The following SLC35D1 variants were observed in gnomAD, a reference collection of about 807,000 sequenced individuals.
SLC35D1 encodes the protein solute carrier family 35 member D1.
SLC35D1 carries 31 observed loss-of-function variants against 46.7 expected under a neutral mutation model. The ratio of observed to expected loss-of-function variants is 0.66; its 90% CI spans 0.50 to 0.90. SLC35D1 has a LOEUF of 0.90. Ranked by LOEUF, SLC35D1 falls within the 40% of genes least tolerant of loss-of-function variation. SLC35D1 has a pLI of 0.00. For synonymous variants in SLC35D1, 195 were observed against 164.6 expected, an observed-to-expected ratio of 1.18 and a Z score of -1.41; for missense variants, 397 against 426.2, an observed-to-expected ratio of 0.93 and a Z score of 0.60.
chr1:66,998,243 C>T (rs1245724470), downstream of SLC35D1, among the ~76,000 whole-genome samples: 1 of 152,082 alleles, frequency 6.6e-6, no homozygotes, highest in African/African-American at 2.4e-5. Context: ...AATTCCAACA[C>T]TTTGGGAGTC....
chr1:67,020,524 G>A (rs1667775435), intron 9 of SLC35D1, 77 bp from the exon 10 acceptor site: 3 of 1,051,074 alleles, frequency 2.9e-6, no homozygotes, highest in Admixed American at 1.7e-5. Context: ...AATCAGTGTT[G>A]GCCAAGCCAG....
At chr1:67,008,998 T>C (rs1667507993) in intron 11 of SLC35D1, 87 bp downstream of exon 11, 5 of 663,878 alleles carry the variant, frequency 7.5e-6, no homozygotes, top group Non-Finnish European at 1.4e-5. Context: ...GAATAAATGT[T>C]CCATTAATTT....
intron 7 of SLC35D1, among the ~76,000 whole-genome samples, chr1:67,046,544 G>A (rs1377233028): frequency 5.3e-5 from 8 of 152,122 alleles, no homozygotes; most frequent in African/African-American, 1.9e-4. Flanking sequence ...TCTCATATGA[G>A]TCCTCATATA....
rs150137157 is a variant in SLC35D1 at position 67,021,586 on chromosome 1, C to T, written c.746G>A (p.Gly249Asp). Residue 249 changes from glycine to aspartate, a missense_variant, in exon 9 of 12, where the codon GGC becomes GAC. Coordinates refer to ENST00000235345, the MANE Select transcript of SLC35D1 (RefSeq NM_015139.3). ...GDAQKAVEFEGWADTLFLLQF... is the reference protein window; with the variant it reads ...GDAQKAVEFEDWADTLFLLQF... ...CAGAAGAAAGAGGGTGTCAGCCCAGCCTTCAAACTCCACAGCCTGCAACAC... is the reference window on the plus strand; with the variant it reads ...CAGAAGAAAGAGGGTGTCAGCCCAGTCTTCAAACTCCACAGCCTGCAACAC... 6.2e-7 allele frequency: 1 copy of T among 1,613,816 alleles called. No homozygotes were observed. Among genetic ancestry groups the T allele is most frequent in the African/African-American group, 1.3e-5 (1 of 74,900 alleles).
chr1:66,989,791 G>T, the SLC35D1 span, among the ~76,000 whole-genome samples: 3 of 152,154 alleles, frequency 2.0e-5, no homozygotes, highest in Non-Finnish European at 1.5e-5. Flanking sequence ...AAAACATACG[G>T]GCCTTAAATT....
chr1:67,049,452 C>A (rs1037837814), intron 6 of SLC35D1, among the ~76,000 whole-genome samples: 1 of 152,164 alleles, frequency 6.6e-6, no homozygotes. Flanking sequence ...GAAAATTATA[C>A]CCATACCTCT....
At chr1:67,053,712 G>T (rs1308423046) in intron 1 of SLC35D1, 99 bp downstream of exon 1, 5 of 1,200,626 alleles carry the variant, frequency 4.2e-6, no homozygotes, top group Middle Eastern at 3.0e-4. Flanking sequence ...ACTTTGTTCG[G>T]CTTTAACTTT....
chr1:67,035,879 A>G (rs574597265), intron 8 of SLC35D1, among the ~76,000 whole-genome samples: 1 of 149,294 alleles, frequency 6.7e-6, no homozygotes, highest in South Asian at 2.1e-4. Context: ...GCTGTATACC[A>G]TAAGTTTTGG....
Position 67,054,084 on chromosome 1 carries a change from G to A in SLC35D1, c.-71C>T. Reference sequence around the variant, plus strand: ...GGGGCCTGCAGCGGCAGCTCCCAGGGGACTCCAGGAGTTGGGGACCGCAGA... The same window carrying A: ...GGGGCCTGCAGCGGCAGCTCCCAGGAGACTCCAGGAGTTGGGGACCGCAGA... On this transcript the variant is annotated 5_prime_UTR_variant, in exon 1 of 12. Coordinates refer to ENST00000235345, the MANE Select transcript of SLC35D1 (RefSeq NM_015139.3). 1 of 1,519,738 alleles carries A rather than the reference G, an allele frequency of 6.6e-7. No individual in the cohort carries two copies. Among genetic ancestry groups the A allele is most frequent in the Non-Finnish European group, 9.0e-7 (1 of 1,109,552 alleles). The allele number at this position is 1,519,738 out of a possible 1,614,324, so 94.1% of individuals were successfully genotyped here.
intron 10 of SLC35D1, among the ~76,000 whole-genome samples, chr1:67,019,523 C>T (rs368959247): frequency 6.6e-6 from 1 of 152,302 alleles, no homozygotes; most frequent in African/African-American, 2.4e-5. Flanking sequence ...CAGGTGGGCA[C>T]CACTCTATTG....
intron 8 of SLC35D1, among the ~76,000 whole-genome samples, chr1:67,027,622 T>G (rs951763237): frequency 1.3e-5 from 2 of 152,188 alleles, no homozygotes; most frequent in Admixed American, 1.3e-4. Context: ...ATCTTTCTTC[T>G]TTTCTAAAAT....
chr1:66,974,503 A>G, the SLC35D1 span, among the ~76,000 whole-genome samples: 1 of 152,146 alleles, frequency 6.6e-6, no homozygotes, highest in Admixed American at 6.5e-5. Context: ...ACCATGCTGA[A>G]TTACCTAAGG....
At chr1:67,009,193 G>T in intron 10 of SLC35D1, 26 bp from the exon 11 acceptor site, 1 of 857,840 alleles carries the variant, frequency 1.2e-6, no homozygotes, top group Non-Finnish European at 1.8e-6. Flanking sequence ...GTAATATACT[G>T]TTATATAGGT....
chr1:67,013,861 A>T (rs951444710), intron 10 of SLC35D1, among the ~76,000 whole-genome samples: 5 of 152,216 alleles, frequency 3.3e-5, no homozygotes, highest in Non-Finnish European at 7.4e-5. Context: ...GTGAGTTTAG[A>T]TTTAAAAGAT....
chr1:67,023,826 C>T (rs12082503), intron 8 of SLC35D1, among the ~76,000 whole-genome samples: 29,506 of 151,856 alleles, frequency 0.19, 5,325 homozygotes, highest in African/African-American at 0.49. Context: ...TGTCTTATTA[C>T]TGAGCTGCAC....
chr1:67,013,726 G>A (rs1570611858), intron 10 of SLC35D1, among the ~76,000 whole-genome samples: 2 of 152,280 alleles, frequency 1.3e-5, no homozygotes, highest in South Asian at 4.1e-4. Context: ...GGAGAAATGT[G>A]ACTTGTGTGT....
At chr1:67,031,944 A>G in intron 8 of SLC35D1, 1 of 589,266 alleles carries the variant, frequency 1.7e-6, no homozygotes, top group Non-Finnish European at 2.1e-6. Context: ...CAGGAAAAAA[A>G]CAAAACATTT....
chr1:67,017,674 T>C (rs751329639), intron 10 of SLC35D1, among the ~76,000 whole-genome samples: 16 of 152,286 alleles, frequency 1.1e-4, no homozygotes, highest in Middle Eastern at 3.4e-3. Context: ...AAAAACTCTA[T>C]ACACTACTCC....
chr1:67,020,311 A>T, intron 10 of SLC35D1, 58 bp downstream of exon 10: 1 of 1,153,060 alleles, frequency 8.7e-7, no homozygotes, highest in Non-Finnish European at 1.3e-6. Flanking sequence ...CTCTTATCTT[A>T]AAGGAACAAT....
Sources: allele counts gnomAD v4.1 joint callset (sites outside exome capture counted in the v4.1 genomes callset), GRCh38; gene constraint gnomAD v4.1.1; transcripts MANE v1.5; gene names NCBI Gene and HGNC (gene_info 2026-07-23, HGNC 2026-07-21).